Variants in CCSER1 observed in about 807,000 individuals in gnomAD.
CCSER1 encodes the protein serine-rich coiled-coil domain-containing protein 1.
CCSER1 carries 41 observed loss-of-function variants against 82.0 expected under a neutral mutation model. That is an observed-to-expected ratio of 0.50 (90% CI 0.39 to 0.65). CCSER1 has a LOEUF of 0.65. Ranked by LOEUF, CCSER1 falls within the 30% of genes least tolerant of loss-of-function variation. The pLI, the probability that CCSER1 is intolerant of heterozygous loss-of-function variation, is 0.00. For missense variants in CCSER1, 1,119 were observed against 1,064.2 expected, an observed-to-expected ratio of 1.05 and a Z score of -0.72; for synonymous variants, 414 against 383.9, an observed-to-expected ratio of 1.08 and a Z score of -0.92.
intron 1 of CCSER1, among the ~76,000 whole-genome samples, chr4:90,236,304 GC>G (rs1444397096): frequency 6.6e-6 from 1 of 152,104 alleles, no homozygotes; most frequent in Non-Finnish European, 1.5e-5. Context: ...GAAAGCAAAA[GC>G]CTGTTTGAAC....
At position 91,238,364 on chromosome 4, in the gene CCSER1, C is replaced by CA. The variant is rs200321253; in HGVS notation, c.2217+152379dup. On this transcript the variant is annotated intron_variant, in intron 10 of 10. Transcript: ENST00000509176. ...AATGGGGACCTCAGTCATGTCGCTG[C>CA]AAAAAAAAATGAATTTTCCCAAAGA... Among the ~76,000 whole-genome samples the CA allele has an allele frequency of 3.2e-3, 472 of 149,148 alleles. 3 individuals carry two copies. Among genetic ancestry groups the CA allele is most frequent in the African/African-American group, 9.9e-3 (405 of 40,716 alleles).
intron 3 of CCSER1, among the ~76,000 whole-genome samples, chr4:90,385,626 A>AT (rs1477671902): frequency 4.0e-5 from 6 of 151,210 alleles, no homozygotes; most frequent in Non-Finnish European, 5.9e-5. Context: ...CACCTGGCTA[A>AT]TTTTTTGTAT....
intron 3 of CCSER1, among the ~76,000 whole-genome samples, chr4:90,369,590 C>A (rs918230765): frequency 2.6e-5 from 4 of 151,858 alleles, no homozygotes; most frequent in African/African-American, 7.2e-5. Context: ...AACAATATAT[C>A]AAAAATGCAG....
chr4:90,621,465 G>T (rs1414410651), intron 5 of CCSER1, among the ~76,000 whole-genome samples: 5 of 143,310 alleles, frequency 3.5e-5, no homozygotes, highest in Admixed American at 7.0e-5. Context: ...AAGTTTCTGG[G>T]TTTTTTTTTT....
chr4:91,455,047 C>T (rs1396217331), intron 10 of CCSER1, among the ~76,000 whole-genome samples: 2 of 151,986 alleles, frequency 1.3e-5, no homozygotes, highest in African/African-American at 4.8e-5. Context: ...AATGTAATTG[C>T]TGGATCATGT....
rs1445420475 is a variant in CCSER1, at chr4:91,251,167, G to T, written c.2217+165173G>T. On this transcript the variant is annotated intron_variant, in intron 10 of 10. Transcript: ENST00000509176. ...CATAGACTAGGTAGCTTAAAACCCA[G>T]AAATTTATTTTGTACAGTTTTGGAG... 2.6e-5 allele frequency among the ~76,000 whole-genome samples: 4 copies of T among 152,222 alleles called. No individual in the cohort carries two copies. In the South Asian group the frequency reaches 6.2e-4, roughly 24 times the overall value.
intron 8 of CCSER1, among the ~76,000 whole-genome samples, chr4:90,821,145 T>G: frequency 6.6e-6 from 1 of 152,234 alleles, no homozygotes; most frequent in East Asian, 1.9e-4. Flanking sequence ...CATTACTTAT[T>G]ACAGTATCAT....
intron 1 of CCSER1, among the ~76,000 whole-genome samples, chr4:90,217,767 C>T (rs1741360587): frequency 6.6e-6 from 1 of 151,824 alleles, no homozygotes; most frequent in African/African-American, 2.4e-5. Context: ...GAATTATATT[C>T]CTACAATGCC....
intron 9 of CCSER1, among the ~76,000 whole-genome samples, chr4:91,045,364 A>T (rs967635431): frequency 6.6e-6 from 1 of 152,142 alleles, no homozygotes; most frequent in East Asian, 1.9e-4. Flanking sequence ...ATGTAATCTC[A>T]AGTGTCTTAG....
At chr4:90,790,182 C>T (rs1050246350) in intron 7 of CCSER1, among the ~76,000 whole-genome samples, 1 of 152,110 alleles carries the variant, frequency 6.6e-6, no homozygotes, top group African/African-American at 2.4e-5. Context: ...CAGTCTTTAG[C>T]CTTGGTCCTA....
At chr4:91,022,231 T>A (rs1470322285) in intron 9 of CCSER1, among the ~76,000 whole-genome samples, 2 of 146,334 alleles carry the variant, frequency 1.4e-5, no homozygotes, top group Non-Finnish European at 3.0e-5. Flanking sequence ...AATTCCCACC[T>A]ATGAGTGAGA....
At chr4:91,072,584 G>A (rs941763561) in intron 9 of CCSER1, among the ~76,000 whole-genome samples, 1 of 152,092 alleles carries the variant, frequency 6.6e-6, no homozygotes, top group African/African-American at 2.4e-5. Flanking sequence ...TCCAAATCAT[G>A]TCAGTTAGTT....
chr4:91,575,613 T>C (rs1434166567), intron 10 of CCSER1, among the ~76,000 whole-genome samples: 1 of 151,924 alleles, frequency 6.6e-6, no homozygotes, highest in African/African-American at 2.4e-5. Context: ...TCCAAAAGTA[T>C]TTTTCACAGA....
chr4:91,531,062 T>C (rs1196147384), intron 10 of CCSER1, among the ~76,000 whole-genome samples: 1 of 152,168 alleles, frequency 6.6e-6, no homozygotes, highest in Non-Finnish European at 1.5e-5. Context: ...CTAGGTACTT[T>C]ATGAGGCCCC....
chr4:91,110,580 C>T (rs1389230218), intron 10 of CCSER1, among the ~76,000 whole-genome samples: 1 of 151,998 alleles, frequency 6.6e-6, no homozygotes, highest in Non-Finnish European at 1.5e-5. Flanking sequence ...TAGTACTTGA[C>T]ACTTATTTCT....
At chr4:91,498,809 A>C (rs1209878975) in intron 10 of CCSER1, among the ~76,000 whole-genome samples, 1 of 151,894 alleles carries the variant, frequency 6.6e-6, no homozygotes, top group Non-Finnish European at 1.5e-5. Context: ...TGTTATGATG[A>C]GTATGTATCA....
At chr4:90,850,103 A>ATT (rs1355074770) in intron 8 of CCSER1, among the ~76,000 whole-genome samples, 2 of 152,160 alleles carry the variant, frequency 1.3e-5, no homozygotes, top group Non-Finnish European at 2.9e-5. Flanking sequence ...ATTGCTTCAG[A>ATT]GGGTTCAAGC....
chr4:91,411,509 T>TATATATATATATATATACACACACAC (rs1753039172), intron 10 of CCSER1, among the ~76,000 whole-genome samples: 1 of 68,582 alleles, frequency 1.5e-5, no homozygotes, highest in African/African-American at 4.7e-5. Context: ...TATATATATA[T>TATATATATATATATATACACACACAC]ATATATATAT....
chr4:90,761,674 C>T (rs1192305013), intron 7 of CCSER1, among the ~76,000 whole-genome samples: 10 of 152,082 alleles, frequency 6.6e-5, no homozygotes, highest in Admixed American at 6.6e-4. Flanking sequence ...ATAAACATTA[C>T]CCCAAATTGG....
Sources: gnomAD v4.1 joint callset for allele counts (sites outside exome capture counted in the v4.1 genomes callset) on GRCh38, gnomAD v4.1.1 for gene constraint, MANE v1.5 for transcripts, NCBI Gene and HGNC (gene_info 2026-07-23, HGNC 2026-07-21) for gene names.